DHX32: variants seen among roughly 807,000 people sequenced by gnomAD.
The protein encoded by DHX32 is DEAH-box helicase 32 (putative).
DHX32 carries 51 observed loss-of-function variants against 70.0 expected under a neutral mutation model. That is an observed-to-expected ratio of 0.73 (90% confidence interval 0.58 to 0.92). The LOEUF (loss-of-function observed/expected upper bound fraction) is 0.92. Among genes scored for constraint, DHX32 ranks in the 40% least tolerant of loss-of-function variants. The pLI is 0.00. For synonymous variants in DHX32, 310 were observed against 315.3 expected (o/e 0.98, Z 0.18); for missense variants, 762 against 891.8 (o/e 0.85, Z 1.85).
intron 1 of DHX32, among the ~76,000 whole-genome samples, chr10:125,878,841 T>G (rs1365266344): frequency 2.0e-5 from 3 of 151,856 alleles, no homozygotes; most frequent in Non-Finnish European, 2.9e-5. Context: ...CCCAAGGAGC[T>G]GGGACTACAG....
chr10:125,842,841 G>A, intron 6 of DHX32: 1 of 906,260 alleles, frequency 1.1e-6, no homozygotes, highest in Non-Finnish European at 1.3e-6. Flanking sequence ...TTAAGTTTAT[G>A]TAACATCGAT....
chr10:125,848,269 G>A (rs141825439), intron 6 of DHX32, among the ~76,000 whole-genome samples: 5 of 152,240 alleles, frequency 3.3e-5, no homozygotes, highest in Middle Eastern at 3.4e-3. Context: ...GGGAGGAAAG[G>A]CTTCTGCTTC....
rs372141280 is a variant in DHX32 at position 125,836,680 on chromosome 10, T to C, written c.*7A>G. 1.0e-4 allele frequency: 166 copies of C among 1,613,252 alleles called. No individual in the cohort carries two copies. The African/African-American group carries it at 2.0e-3, about 20-fold the overall frequency. On this transcript the variant is annotated 3_prime_UTR_variant, in exon 11 of 11. Transcript: ENST00000284690. The stretch of plus-strand genomic sequence containing the variant: ...GGACCCTGCTGCACCTTGTGTTTGC[T>C]GGGGAGTCACTGGAGAGTGCATCTC...
intron 3 of DHX32, among the ~76,000 whole-genome samples, chr10:125,855,233 AAAAG>A: frequency 6.6e-6 from 1 of 151,646 alleles, no homozygotes. Context: ...AAAAAAAAAA[AAAAG>A]AAATTAAAAG....
intron 3 of DHX32, among the ~76,000 whole-genome samples, chr10:125,855,451 T>C (rs891073022): frequency 6.9e-6 from 1 of 144,712 alleles, no homozygotes; most frequent in African/African-American, 2.6e-5. Flanking sequence ...ATAAACTGTT[T>C]TTTTTTTTTT....
At chr10:125,883,649 A>G (rs1171149520), upstream of DHX32, among the ~76,000 whole-genome samples, 1 of 152,200 alleles carries the variant, frequency 6.6e-6, no homozygotes, top group East Asian at 1.9e-4. Flanking sequence ...GTATCATGAG[A>G]CAACAAATGG....
At chr10:125,841,523 T>C in intron 7 of DHX32, 1 of 1,431,810 alleles carries the variant, frequency 7.0e-7, no homozygotes, top group Non-Finnish European at 9.1e-7. Context: ...TGTATAAATT[T>C]GCTGAACTTT....
At chr10:125,882,605 G>A (rs527549240), upstream of DHX32, among the ~76,000 whole-genome samples, 3 of 152,300 alleles carry the variant, frequency 2.0e-5, no homozygotes, top group African/African-American at 7.2e-5. Context: ...AGTAACCAGA[G>A]AGGCAGAAGA....
At chr10:125,842,071 A>C in intron 6 of DHX32, 137 bp from the exon 7 acceptor site, 1 of 1,134,870 alleles carries the variant, frequency 8.8e-7, no homozygotes. Context: ...AAGCCACCAA[A>C]TACCAGGGAG....
intron 6 of DHX32, among the ~76,000 whole-genome samples, chr10:125,848,798 A>G (rs761297716): frequency 6.6e-6 from 1 of 152,128 alleles, no homozygotes; most frequent in South Asian, 2.1e-4. Flanking sequence ...AGCATTTACT[A>G]TACACCAGTC....
intron 2 of DHX32, among the ~76,000 whole-genome samples, chr10:125,863,154 A>T (rs1470965794): frequency 6.6e-6 from 1 of 151,796 alleles, no homozygotes; most frequent in Non-Finnish European, 1.5e-5. Context: ...TTCCAGTTCT[A>T]AAAACAGAAA....
In DHX32 at chr10:125,836,679, C is replaced by T. The variant is rs15281; in HGVS notation, c.*8G>A. The T allele has an allele frequency of 6.2e-6, 10 of 1,612,764 alleles. No homozygotes were observed. The African/African-American group carries it at 1.2e-4, about 19-fold the overall frequency. On this transcript the variant is annotated 3_prime_UTR_variant, in exon 11 of 11. Coordinates refer to ENST00000284690, the MANE Select transcript of DHX32 (RefSeq NM_018180.3). ...GGGACCCTGCTGCACCTTGTGTTTG[C>T]TGGGGAGTCACTGGAGAGTGCATCT...
At chr10:125,861,024 T>A (rs1247054841) in intron 2 of DHX32, among the ~76,000 whole-genome samples, 1 of 151,602 alleles carries the variant, frequency 6.6e-6, no homozygotes, top group Admixed American at 6.6e-5. Context: ...AGTGCTGGGA[T>A]TACAGGCGTG....
rs73381269 is a variant in DHX32, at chr10:125,866,028, A to G, written c.476+962T>C. 4.9e-3 allele frequency among the ~76,000 whole-genome samples: 742 copies of G among 152,350 alleles called. 8 individuals are homozygous for G. Among genetic ancestry groups the G allele is most frequent in the African/African-American group, 0.016 (676 of 41,580 alleles). ...GCTTCCCCAATGCTGTGCGTGGCAC[A>G]CTGTATGCCACACAAATGGGTTAGA... On this transcript the variant is annotated intron_variant, in intron 2 of 10. Coordinates refer to ENST00000284690, the MANE Select transcript of DHX32 (RefSeq NM_018180.3). The surrounding 1 kb of genome is among the most constrained non-coding windows in gnomAD (Gnocchi z 4.8).
Position 125,836,763 on chromosome 10 carries a change from G to C in DHX32, c.2156C>G (p.Pro719Arg). ...CTGTTCCTTATTCATTGTTGACACAGGGGATAGGTGATCCACTACTTGCTG... is the reference window on the plus strand; with the variant it reads ...CTGTTCCTTATTCATTGTTGACACACGGGATAGGTGATCCACTACTTGCTG... ...ILQQVVDHLS[P>R]VSTMNKEQQM... Residue 719 changes from proline to arginine, a missense_variant, in exon 11 of 11, where the codon CCT (proline) becomes CGT (arginine). Physicochemically the swap from Pro to Arg is moderately radical, Grantham distance 103. Transcript: ENST00000284690. The C allele has an allele frequency of 6.2e-7, 1 of 1,613,828 alleles. No homozygotes were observed. The highest frequency in any genetic ancestry group is 8.5e-7 in the Non-Finnish European group (1 of 1,179,894).
rs1487388680 is a variant in DHX32 at position 125,854,045 on chromosome 10, C to T, written c.1008G>A (p.Val336=). ...EKRCQVYQRR[V]VLTTSSGEFL... ...ACTCTCCAGAGCTAGTAGTTAACAC[C>T]ACTCTTCTTTGATAAACTTGGCATC... is the stretch of plus-strand genomic sequence containing the variant. The change falls in exon 4 of 11, where the codon GTG becomes GTA. Residue 336 remains valine, a synonymous_variant. Coordinates refer to ENST00000284690, the MANE Select transcript of DHX32 (RefSeq NM_018180.3). 3 of 1,614,060 alleles carry T rather than the reference C, an allele frequency of 1.9e-6. No homozygotes were observed. Among genetic ancestry groups the T allele is most frequent in the Non-Finnish European group, 2.5e-6 (3 of 1,179,982 alleles).
intron 6 of DHX32, 137 bp downstream of exon 6, chr10:125,852,155 GA>G: frequency 9.3e-7 from 1 of 1,072,602 alleles, no homozygotes; most frequent in Non-Finnish European, 1.3e-6. Flanking sequence ...CCTCTAGCAG[GA>G]AAATGCTTCA....
At chr10:125,864,929 C>CAAAGAAAAA (rs1944210494) in intron 2 of DHX32, among the ~76,000 whole-genome samples, 1 of 54,212 alleles carries the variant, frequency 1.8e-5, no homozygotes, top group Non-Finnish European at 3.1e-5. Flanking sequence ...GACTCTGTCT[C>CAAAGAAAAA]AAAAAAAAAA....
chr10:125,888,830 C>A (rs76729300), intron 1 of DHX32, among the ~76,000 whole-genome samples: 1 of 147,938 alleles, frequency 6.8e-6, no homozygotes, highest in Non-Finnish European at 1.5e-5. Context: ...GAGGCCAAGG[C>A]GGGTGGATCA....
Sources: gnomAD v4.1 joint callset for allele counts (sites outside exome capture counted in the v4.1 genomes callset) on GRCh38, gnomAD v4.1.1 for gene constraint, Gnocchi (gnomAD v3.1) non-coding constraint, MANE v1.5 for transcripts, NCBI Gene and HGNC (gene_info 2026-07-23, HGNC 2026-07-21) for gene names.